Variants in CNTNAP4 observed in about 807,000 individuals in gnomAD.
CNTNAP4 encodes contactin associated protein family member 4, also known as contactin-associated protein-like 4.
A neutral mutation model predicts 148.4 loss-of-function variants in CNTNAP4; 98 were observed. The observed-to-expected ratio is 0.66, with a 90% CI of 0.56 to 0.78. The LOEUF (loss-of-function observed/expected upper bound fraction) is 0.78, where lower values mean the gene tolerates loss of function less well. Ranked by LOEUF, CNTNAP4 falls within the 30% of genes least tolerant of loss-of-function variation. The probability of loss-of-function intolerance (pLI) is 0.00; values close to 1 mark genes in which losing one functional copy is unlikely to be tolerated. For synonymous variants in CNTNAP4, 730 were observed against 565.1 expected (o/e 1.29, Z -4.14); for missense variants, 1,935 against 1,565.6 (o/e 1.24, Z -3.98).
rs527400831 is a variant in CNTNAP4, at chr16:76,414,403, T to C, written c.391-13049T>C. Among the ~76,000 whole-genome samples the C allele has an allele frequency of 4.0e-5, 6 of 151,526 alleles. No homozygotes were observed. In the East Asian group the frequency reaches 1.2e-3, roughly 29 times the overall value. The stretch of plus-strand genomic sequence containing the variant: ...GAGATATGATTTATTATTTTTTCTA[T>C]ATTTTTATATTGTAGAATCATTTTT... On this transcript the variant is annotated intron_variant, in intron 3 of 23. Coordinates refer to ENST00000611870, the MANE Select transcript of CNTNAP4 (RefSeq NM_033401.5).
intron 4 of CNTNAP4, among the ~76,000 whole-genome samples, chr16:76,441,906 A>G (rs958107532): frequency 4.6e-5 from 7 of 152,142 alleles, no homozygotes; most frequent in African/African-American, 1.4e-4. Context: ...TAAGAAGACT[A>G]TACTATTATT....
intron 12 of CNTNAP4, among the ~76,000 whole-genome samples, chr16:76,481,868 T>C (rs1177775246): frequency 6.6e-6 from 1 of 151,710 alleles, no homozygotes; most frequent in African/African-American, 2.4e-5. Flanking sequence ...GGGAGTATGG[T>C]GAGTAAGTGG....
intron 2 of CNTNAP4, among the ~76,000 whole-genome samples, chr16:76,347,308 C>G (rs145964014): frequency 6.6e-6 from 1 of 152,158 alleles, no homozygotes; most frequent in East Asian, 1.9e-4. Context: ...GTTATACCCA[C>G]GTGACTACAA....
rs758469523 is a variant in CNTNAP4, at chr16:76,506,966, T to C, written c.2365+8272T>C. Among the ~76,000 whole-genome samples the C allele has an allele frequency of 2.0e-5, 2 of 97,824 alleles. 1 individual carries two copies. The highest frequency in any genetic ancestry group is 5.8e-5 in the Non-Finnish European group (2 of 34,360). The allele number at this position is 97,824 out of a possible 152,430, so 64.2% of individuals were successfully genotyped here. On this transcript the variant is annotated intron_variant, in intron 15 of 23. Transcript: ENST00000611870. ...TCTGCCATTTGGACAGAGTAATTTA[T>C]GTCTGTTGGACATAATAGTAATAAA... is the stretch of plus-strand genomic sequence containing the variant.
intron 3 of CNTNAP4, among the ~76,000 whole-genome samples, chr16:76,369,347 A>G (rs1176807099): frequency 6.6e-6 from 1 of 152,228 alleles, no homozygotes; most frequent in Non-Finnish European, 1.5e-5. Context: ...CAAGATAGAC[A>G]GGGTTTTCCA....
At chr16:76,358,081 C>T (rs898685679) in intron 3 of CNTNAP4, among the ~76,000 whole-genome samples, 1 of 151,560 alleles carries the variant, frequency 6.6e-6, no homozygotes, top group Non-Finnish European at 1.5e-5. Context: ...CATCTGTAAT[C>T]CCAGGGCTTT....
At chr16:76,475,325 A>G (rs1016193570) in intron 10 of CNTNAP4, among the ~76,000 whole-genome samples, 2 of 152,234 alleles carry the variant, frequency 1.3e-5, no homozygotes, top group East Asian at 1.9e-4. Context: ...TAATGTTGAA[A>G]CTAAACTACC....
chr16:76,557,553 C>T (rs2085248266), intron 23 of CNTNAP4: 2 of 152,162 alleles, frequency 1.3e-5, no homozygotes, highest in Non-Finnish European at 2.9e-5. Flanking sequence ...TTTACAGCTT[C>T]ATTAAGGAGA....
chr16:76,380,357 C>T (rs530448921), intron 3 of CNTNAP4, among the ~76,000 whole-genome samples: 1 of 152,110 alleles, frequency 6.6e-6, no homozygotes, highest in Non-Finnish European at 1.5e-5. Flanking sequence ...CAGGTCTCTC[C>T]GTATCACATA....
At chr16:76,498,393 A>G (rs2082480337) in intron 14 of CNTNAP4, among the ~76,000 whole-genome samples, 174 bp from the exon 15 acceptor site, 1 of 152,186 alleles carries the variant, frequency 6.6e-6, no homozygotes, top group South Asian at 2.1e-4. Flanking sequence ...CCCTGTCTCA[A>G]AATAATAATA....
At chr16:76,462,160 C>A in intron 9 of CNTNAP4, 55 bp downstream of exon 9, 2 of 1,476,266 alleles carry the variant, frequency 1.4e-6, no homozygotes, top group Non-Finnish European at 1.9e-6. Context: ...CATTAGTGCC[C>A]CCGTGTCTTG....
intron 2 of CNTNAP4, among the ~76,000 whole-genome samples, chr16:76,351,400 A>G (rs1460901932): frequency 1.3e-5 from 2 of 151,966 alleles, no homozygotes; most frequent in African/African-American, 4.8e-5. Context: ...TAATCAATTT[A>G]TCTCTATCGC....
At chr16:76,521,087 A>G in intron 15 of CNTNAP4, 53 bp from the exon 16 acceptor site, 1 of 1,474,636 alleles carries the variant, frequency 6.8e-7, no homozygotes. Flanking sequence ...ATTTTATTTC[A>G]TGAATTTGTT....
intron 3 of CNTNAP4, among the ~76,000 whole-genome samples, chr16:76,394,061 G>A (rs1051549393): frequency 6.6e-6 from 1 of 152,200 alleles, no homozygotes; most frequent in African/African-American, 2.4e-5. Flanking sequence ...AGAACAGGGA[G>A]AAAAGTTATG....
At chr16:76,381,592 A>G (rs1384861759) in intron 3 of CNTNAP4, among the ~76,000 whole-genome samples, 1 of 152,210 alleles carries the variant, frequency 6.6e-6, no homozygotes, top group African/African-American at 2.4e-5. Context: ...ATTTAAGAGA[A>G]TTAACATGTG....
intron 3 of CNTNAP4, among the ~76,000 whole-genome samples, chr16:76,369,912 C>T (rs574417513): frequency 6.6e-6 from 1 of 152,024 alleles, no homozygotes; most frequent in Non-Finnish European, 1.5e-5. Flanking sequence ...TCTATTTTAG[C>T]CTTCAATGGA....
chr16:76,553,408 C>A lies in CNTNAP4; in HGVS notation c.3568C>A (p.Pro1190Thr). The A allele has an allele frequency of 1.9e-6, 3 of 1,612,526 alleles. No homozygotes were observed. The highest frequency in any genetic ancestry group is 2.5e-6 in the Non-Finnish European group (3 of 1,179,268). Residue 1190 changes from proline to threonine, a missense_variant, in exon 22 of 24, where the codon CCT (proline) becomes ACT (threonine). By Grantham distance (38) the Pro-to-Thr change is conservative. Transcript: ENST00000611870. ...KAALHPSHPD[P>T]VTVTGHVTES... ...AGCTCTGCACCCCAGCCACCCAGAC[C>A]CTGTCACTGTTACAGGACACGTGAC...
Position 76,431,676 on chromosome 16 carries a change from C to T in CNTNAP4, c.538+4077C>T, listed in dbSNP as rs568270306. ...CCTGGGCAGCAGAGTGAGACTCTGTCTCAAAAGTAAAGGGGGAGGTAAGCA... is the reference window on the plus strand; with the variant it reads ...CCTGGGCAGCAGAGTGAGACTCTGTTTCAAAAGTAAAGGGGGAGGTAAGCA... On this transcript the variant is annotated intron_variant, in intron 4 of 23. Coordinates refer to ENST00000611870, the MANE Select transcript of CNTNAP4 (RefSeq NM_033401.5). Among the ~76,000 whole-genome samples the T allele has an allele frequency of 5.9e-5, 9 of 152,048 alleles. No homozygotes were observed. The South Asian group carries it at 8.3e-4, about 14-fold the overall frequency.
Position 76,509,894 on chromosome 16 carries a change from G to A in CNTNAP4, c.2365+11200G>A, listed in dbSNP as rs2082948910. Reference sequence around the variant, plus strand: ...TTTTTTTGATTTTGTATGTGCTTGAGAATATTTGTTGCCTTAGGATTCTAA... The same window carrying A: ...TTTTTTTGATTTTGTATGTGCTTGAAAATATTTGTTGCCTTAGGATTCTAA... On this transcript the variant is annotated intron_variant, in intron 15 of 23. Transcript: ENST00000611870. Among the ~76,000 whole-genome samples, 2 of 96,028 alleles carry A rather than the reference G, an allele frequency of 2.1e-5. 1 individual carries two copies. The highest frequency in any genetic ancestry group is 8.2e-4 in the South Asian group (2 of 2,444). 63.0% of individuals were successfully genotyped at this position (96,028 alleles called of 152,430 possible).
Sources: allele counts gnomAD v4.1 joint callset (sites outside exome capture counted in the v4.1 genomes callset), GRCh38; gene constraint gnomAD v4.1.1; transcripts MANE v1.5; gene names NCBI Gene and HGNC (gene_info 2026-07-23, HGNC 2026-07-21).